Variants in UTRN observed in about 807,000 individuals in gnomAD.
UTRN encodes the protein utrophin.
A neutral mutation model predicts 463.9 loss-of-function variants in UTRN; 283 were observed. The observed-to-expected ratio is 0.61, with a 90% CI of 0.55 to 0.67. The LOEUF is 0.67. UTRN is among the 30% of genes least tolerant of loss of function. The pLI is 0.00. For synonymous variants in UTRN, 1,442 were observed against 1,431.5 expected, an observed-to-expected ratio of 1.01 and a Z score of -0.17; for missense variants, 3,922 against 4,084.3, an observed-to-expected ratio of 0.96 and a Z score of 1.08.
chr6:144,832,184 T>G (rs1444188732), intron 69 of UTRN, among the ~76,000 whole-genome samples: 1 of 152,224 alleles, frequency 6.6e-6, no homozygotes, highest in African/African-American at 2.4e-5. Context: ...TTGTTATTGG[T>G]TTTTACTATA....
chr6:144,640,095 A>T (rs1455666743), intron 51 of UTRN, among the ~76,000 whole-genome samples: 1 of 152,146 alleles, frequency 6.6e-6, no homozygotes, highest in African/African-American at 2.4e-5. Context: ...AAACCAAGGG[A>T]TCATGATAGT....
chr6:144,454,396 C>A (rs1788620768), intron 19 of UTRN, among the ~76,000 whole-genome samples: 1 of 151,544 alleles, frequency 6.6e-6, no homozygotes, highest in Non-Finnish European at 1.5e-5. Flanking sequence ...TGCTGTAGCT[C>A]CCAGTGACTC....
At chr6:144,631,187 A>AAG (rs977746405) in intron 51 of UTRN, among the ~76,000 whole-genome samples, 18 of 151,252 alleles carry the variant, frequency 1.2e-4, no homozygotes, top group East Asian at 3.9e-4. Context: ...GTAAAACCAA[A>AAG]AGAGAGAGAG....
intron 54 of UTRN, among the ~76,000 whole-genome samples, chr6:144,741,572 T>C (rs1223771047): frequency 6.6e-6 from 1 of 152,166 alleles, no homozygotes; most frequent in African/African-American, 2.4e-5. Flanking sequence ...GCTTTTCCTC[T>C]TTCCTTTTAT....
chr6:144,711,368 A>G (rs1190441857), intron 53 of UTRN, among the ~76,000 whole-genome samples: 2 of 152,154 alleles, frequency 1.3e-5, no homozygotes, highest in African/African-American at 4.8e-5. Flanking sequence ...AAATAATAAA[A>G]TAAATGGGTA....
intron 3 of UTRN, among the ~76,000 whole-genome samples, chr6:144,406,818 A>C (rs549647489): frequency 4.0e-4 from 61 of 152,256 alleles, no homozygotes; most frequent in Admixed American, 1.4e-3. Flanking sequence ...TTTGGTATAT[A>C]GTGTGATGTT....
At chr6:144,287,483 T>C (rs1187675201) in intron 1 of UTRN, among the ~76,000 whole-genome samples, 1 of 152,214 alleles carries the variant, frequency 6.6e-6, no homozygotes. Flanking sequence ...TAGGTTTTGG[T>C]TCCTATAGTA....
chr6:144,451,501 A>C lies in UTRN; in HGVS notation c.2196+8A>C. ...ATGAAAAAGAAGTTGAAGGTAAAAA[A>C]CATAAACCACATATATCCTAGTGCA... On this transcript the variant is annotated splice_region_variant and intron_variant, in intron 18 of 74. Coordinates refer to ENST00000367545, the MANE Select transcript of UTRN (RefSeq NM_007124.3). 6.2e-7 allele frequency: 1 copy of C among 1,608,910 alleles called. No individual in the cohort carries two copies. The highest frequency in any genetic ancestry group is 1.3e-5 in the African/African-American group (1 of 74,682).
chr6:144,360,077 C>CTTCCCTTCCG (rs1778923245), intron 2 of UTRN, among the ~76,000 whole-genome samples: 1 of 105,906 alleles, frequency 9.4e-6, no homozygotes, highest in Non-Finnish European at 1.7e-5. Context: ...CTTCCCTTCC[C>CTTCCCTTCCG]TTCCCTTCCC....
intron 58 of UTRN, among the ~76,000 whole-genome samples, chr6:144,769,676 C>G (rs1188447671): frequency 6.6e-6 from 1 of 152,184 alleles, no homozygotes; most frequent in African/African-American, 2.4e-5. Context: ...ACGTCTGGCT[C>G]TACATTACCG....
At chr6:144,380,654 T>G (rs1780829945) in intron 2 of UTRN, among the ~76,000 whole-genome samples, 1 of 151,930 alleles carries the variant, frequency 6.6e-6, no homozygotes, top group African/African-American at 2.4e-5. Flanking sequence ...CTAAAATAAT[T>G]TTTTTAAAAT....
intron 66 of UTRN, among the ~76,000 whole-genome samples, chr6:144,825,213 G>A (rs1288241072): frequency 3.3e-5 from 5 of 152,218 alleles, no homozygotes; most frequent in African/African-American, 1.2e-4. Context: ...TTGTAGCAGA[G>A]TCTGCTTTCT....
intron 61 of UTRN, among the ~76,000 whole-genome samples, chr6:144,785,851 A>G (rs1323360059): frequency 6.6e-6 from 1 of 152,226 alleles, no homozygotes; most frequent in African/African-American, 2.4e-5. Flanking sequence ...CAGTCATCTT[A>G]CCAGATTAAA....
chr6:144,728,256 GTTA>G (rs1788119995), intron 53 of UTRN, among the ~76,000 whole-genome samples: 1 of 151,778 alleles, frequency 6.6e-6, no homozygotes, highest in South Asian at 2.1e-4. Flanking sequence ...TTTTCATGTC[GTTA>G]TTATATATTT....
intron 2 of UTRN, among the ~76,000 whole-genome samples, chr6:144,355,038 T>A (rs1298392552): frequency 6.6e-6 from 1 of 152,124 alleles, no homozygotes; most frequent in African/African-American, 2.4e-5. Flanking sequence ...TTTTAGTTGC[T>A]CAGATTTTTT....
chr6:144,717,493 G>A (rs771589390), intron 53 of UTRN, among the ~76,000 whole-genome samples: 32 of 152,156 alleles, frequency 2.1e-4, no homozygotes, highest in East Asian at 3.9e-4. Flanking sequence ...CAAAAAAACC[G>A]CTGCATTTAT....
At chr6:144,648,313 C>T (rs903965545) in intron 51 of UTRN, among the ~76,000 whole-genome samples, 1 of 152,154 alleles carries the variant, frequency 6.6e-6, no homozygotes, top group African/African-American at 2.4e-5. Flanking sequence ...ATATCCATTT[C>T]TTGTTTGGTT....
intron 69 of UTRN, among the ~76,000 whole-genome samples, chr6:144,834,348 G>A (rs954849927): frequency 6.6e-6 from 1 of 152,124 alleles, no homozygotes; most frequent in Non-Finnish European, 1.5e-5. Context: ...GAAAAAGAGA[G>A]GGGGTTTATT....
chr6:144,408,131 C>T (rs1584656971), intron 3 of UTRN, among the ~76,000 whole-genome samples: 1 of 152,102 alleles, frequency 6.6e-6, no homozygotes, highest in African/African-American at 2.4e-5. Flanking sequence ...CTTAGGAATG[C>T]AAAATAAAAA....
Sources: allele counts gnomAD v4.1 joint callset (sites outside exome capture counted in the v4.1 genomes callset), GRCh38; gene constraint gnomAD v4.1.1; transcripts MANE v1.5; gene names NCBI Gene and HGNC (gene_info 2026-07-23, HGNC 2026-07-21).